Variants in PAX5 observed in about 807,000 individuals in gnomAD.
PAX5 encodes paired box 5.
Under a neutral mutation model 43.7 loss-of-function variants are expected in PAX5, and 9 were observed. That is an observed-to-expected ratio of 0.21 (90% confidence interval 0.12 to 0.36). PAX5 has a LOEUF of 0.36. Among genes scored for constraint, PAX5 ranks in the 10% least tolerant of loss-of-function variants. PAX5 has a pLI of 1.00. For synonymous variants in PAX5, 228 were observed against 214.3 expected (o/e 1.06, Z -0.56); for missense variants, 383 against 532.7 (o/e 0.72, Z 2.77).
At chr9:37,003,678 TA>T (rs879322117) in intron 4 of PAX5, among the ~76,000 whole-genome samples, 14 of 151,148 alleles carry the variant, frequency 9.3e-5, no homozygotes, top group African/African-American at 1.2e-4. Flanking sequence ...CAAAAAACTT[TA>T]AAAAAAAATT....
At chr9:36,992,608 C>A (rs1019118286) in intron 5 of PAX5, among the ~76,000 whole-genome samples, 2 of 152,216 alleles carry the variant, frequency 1.3e-5, no homozygotes, top group Non-Finnish European at 2.9e-5. Context: ...GCACTACATA[C>A]ATATCCCAAT....
chr9:36,955,230 C>T (rs1833347176), intron 6 of PAX5, among the ~76,000 whole-genome samples: 5 of 151,814 alleles, frequency 3.3e-5, no homozygotes, highest in Admixed American at 3.3e-4. Context: ...CCTAACTTTC[C>T]CTCATTTTCT....
At chr9:36,923,748 C>G (rs1438506807) in intron 6 of PAX5, among the ~76,000 whole-genome samples, 1 of 152,232 alleles carries the variant, frequency 6.6e-6, no homozygotes, top group Non-Finnish European at 1.5e-5. Context: ...ACTTTGCTCC[C>G]TCTGGCCTGC....
chr9:36,877,677 C>T (rs750509946), intron 8 of PAX5, among the ~76,000 whole-genome samples: 7 of 152,112 alleles, frequency 4.6e-5, no homozygotes, highest in East Asian at 1.9e-4. Flanking sequence ...TTCAGAAGCC[C>T]GAGAGGTCAC....
chr9:36,878,932 G>T (rs1032772467), intron 8 of PAX5, among the ~76,000 whole-genome samples: 1 of 152,248 alleles, frequency 6.6e-6, no homozygotes, highest in Non-Finnish European at 1.5e-5. Context: ...CAGCAAGGAG[G>T]CTGGGGCAAG....
intron 8 of PAX5, among the ~76,000 whole-genome samples, chr9:36,863,462 C>T (rs539741211): frequency 2.2e-4 from 33 of 152,108 alleles, no homozygotes; most frequent in Non-Finnish European, 4.0e-4. Flanking sequence ...AGTGATGTGC[C>T]GGGTACTATG....
intron 5 of PAX5, among the ~76,000 whole-genome samples, chr9:36,985,943 G>A (rs1836362475): frequency 6.6e-6 from 1 of 152,182 alleles, no homozygotes; most frequent in Non-Finnish European, 1.5e-5. Flanking sequence ...TCGCACCCAG[G>A]AGGACCTGCC....
At chr9:36,950,089 T>C (rs560279304) in intron 6 of PAX5, among the ~76,000 whole-genome samples, 27 of 152,334 alleles carry the variant, frequency 1.8e-4, no homozygotes, top group Non-Finnish European at 2.9e-4. Flanking sequence ...TGAAAGCTTG[T>C]TTGTCATAAT....
chr9:36,846,320 G>T (rs1337238043), intron 9 of PAX5, among the ~76,000 whole-genome samples: 1 of 152,194 alleles, frequency 6.6e-6, no homozygotes, highest in Non-Finnish European at 1.5e-5. Context: ...GGCATGCTTT[G>T]TCAGACCTCC....
At chr9:36,881,054 AAG>A (rs1434359868) in intron 8 of PAX5, among the ~76,000 whole-genome samples, 1 of 152,202 alleles carries the variant, frequency 6.6e-6, no homozygotes, top group Non-Finnish European at 1.5e-5. Flanking sequence ...CAACAGCTAA[AAG>A]AGAGGTTTTT....
intron 6 of PAX5, chr9:36,930,845 G>A (rs1430957073): frequency 2.3e-6 from 3 of 1,306,710 alleles, no homozygotes; most frequent in Non-Finnish European, 3.0e-6. Context: ...ACGTGCCCCA[G>A]GAGAGTGTGC....
Position 37,032,996 on chromosome 9 carries a change from AGT to A in PAX5, c.46+988_46+989del, listed in dbSNP as rs201878850. Among the ~76,000 whole-genome samples the A allele has an allele frequency of 5.3e-3, 809 of 152,306 alleles. 8 individuals carry two copies. Among genetic ancestry groups the A allele is most frequent in the African/African-American group, 0.017 (698 of 41,542 alleles). ...CCCACAGGATAAAACCTGAGGACACAGTGTGTGTGTGTCTGTGTGTACACACA... is the reference window on the plus strand; with the variant it reads ...CCCACAGGATAAAACCTGAGGACACAGTGTGTGTGTCTGTGTGTACACACA... On this transcript the variant is annotated intron_variant, in intron 1 of 9. Coordinates refer to ENST00000358127, the MANE Select transcript of PAX5 (RefSeq NM_016734.3).
At chr9:36,852,802 T>TA (rs1823290996) in intron 8 of PAX5, among the ~76,000 whole-genome samples, 1 of 152,152 alleles carries the variant, frequency 6.6e-6, no homozygotes, top group Non-Finnish European at 1.5e-5. Context: ...ACTTTAGAGA[T>TA]ACGTTCCCTC....
At chr9:36,857,061 T>C (rs980207261) in intron 8 of PAX5, among the ~76,000 whole-genome samples, 2 of 152,234 alleles carry the variant, frequency 1.3e-5, no homozygotes, top group Non-Finnish European at 2.9e-5. Context: ...CATGTATTCA[T>C]GATAAGTGTC....
At chr9:36,876,115 A>G (rs1162118337) in intron 8 of PAX5, among the ~76,000 whole-genome samples, 1 of 152,204 alleles carries the variant, frequency 6.6e-6, no homozygotes, top group Non-Finnish European at 1.5e-5. Flanking sequence ...AGGAAGTTGC[A>G]GGTGCTGAGG....
At chr9:36,904,535 G>C (rs1828662098) in intron 7 of PAX5, among the ~76,000 whole-genome samples, 1 of 151,986 alleles carries the variant, frequency 6.6e-6, no homozygotes, top group Non-Finnish European at 1.5e-5. Flanking sequence ...AAGTTCTATG[G>C]CCTCACAGAT....
chr9:36,911,650 T>C (rs35925778), intron 7 of PAX5, among the ~76,000 whole-genome samples: 21,994 of 152,248 alleles, frequency 0.14, 1,752 homozygotes, highest in Non-Finnish European at 0.17. Flanking sequence ...ATGATTTCAC[T>C]CTGAGAGAAG....
At chr9:36,950,460 A>T (rs1450992008) in intron 6 of PAX5, among the ~76,000 whole-genome samples, 1 of 152,184 alleles carries the variant, frequency 6.6e-6, no homozygotes, top group Admixed American at 6.5e-5. Flanking sequence ...CCAAGCCCCA[A>T]TCTGACACTT....
chr9:36,975,478 C>T (rs977326959), intron 5 of PAX5, among the ~76,000 whole-genome samples: 13 of 152,038 alleles, frequency 8.6e-5, no homozygotes, highest in African/African-American at 2.7e-4. Context: ...CTCCGCCTCC[C>T]GGGTTCACGC....
Sources: gnomAD v4.1 joint callset for allele counts (sites outside exome capture counted in the v4.1 genomes callset) on GRCh38, gnomAD v4.1.1 for gene constraint, MANE v1.5 for transcripts, NCBI Gene and HGNC (gene_info 2026-07-23, HGNC 2026-07-21) for gene names.